SSBP3: variants seen among roughly 807,000 people sequenced by gnomAD.
SSBP3 encodes single-stranded DNA-binding protein 3.
Under a neutral mutation model 69.6 loss-of-function variants are expected in SSBP3, and 5 were observed. The observed-to-expected ratio is 0.07, with a 90% CI of 0.04 to 0.15. The LOEUF (loss-of-function observed/expected upper bound fraction) is 0.15, where lower values mean the gene tolerates loss of function less well. Ranked by LOEUF, SSBP3 falls within the 10% of genes least tolerant of loss-of-function variation. The probability of loss-of-function intolerance (pLI) is 1.00; values close to 1 mark genes in which losing one functional copy is unlikely to be tolerated. For synonymous variants in SSBP3, 196 were observed against 193.4 expected (o/e 1.01, Z -0.11); for missense variants, 312 against 534.0 (o/e 0.58, Z 4.10).
chr1:54,408,315 G>A (rs1649905833), upstream of SSBP3, among the ~76,000 whole-genome samples: 1 of 152,174 alleles, frequency 6.6e-6, no homozygotes. Flanking sequence ...TTTTCCCCTA[G>A]GCGGTTTAAT....
At chr1:54,275,115 A>G (rs1410929682) in intron 5 of SSBP3, among the ~76,000 whole-genome samples, 1 of 152,142 alleles carries the variant, frequency 6.6e-6, no homozygotes, top group Non-Finnish European at 1.5e-5. Context: ...GAGCCCCTTG[A>G]GGGCAGGGTC....
chr1:54,241,431 C>G (rs780053754), intron 12 of SSBP3, 43 bp downstream of exon 12: 1 of 1,609,934 alleles, frequency 6.2e-7, no homozygotes, highest in Non-Finnish European at 8.5e-7. Context: ...CACACTCAGT[C>G]CCACGTGGCT....
chr1:54,332,363 G>T lies in SSBP3; in HGVS notation c.277-50836C>A, dbSNP rs1290594219. 5.3e-5 allele frequency among the ~76,000 whole-genome samples: 8 copies of T among 152,206 alleles called. 1 individual carries two copies. The highest frequency in any genetic ancestry group is 5.2e-4 in the Admixed American group (8 of 15,290). ...GAAACTAAAAGTGGAGCAGGGAGCT[G>T]CTGGGAGGGGTGGGAGTGTGGAGAG... On this transcript the variant is annotated intron_variant, in intron 4 of 17. Coordinates refer to ENST00000610401, the Ensembl canonical transcript of SSBP3.
intron 4 of SSBP3, among the ~76,000 whole-genome samples, chr1:54,341,931 A>G (rs981312565): frequency 6.6e-6 from 1 of 152,198 alleles, no homozygotes; most frequent in African/African-American, 2.4e-5. Flanking sequence ...CACTTCTGAG[A>G]AACCAAAAGA....
chr1:54,301,171 C>A (rs1645794333), intron 4 of SSBP3, among the ~76,000 whole-genome samples: 1 of 152,232 alleles, frequency 6.6e-6, no homozygotes, highest in Non-Finnish European at 1.5e-5. Context: ...ACCTGCATCT[C>A]ATCTTTTACC....
chr1:54,304,693 C>G (rs1645865399), intron 4 of SSBP3, among the ~76,000 whole-genome samples: 1 of 152,146 alleles, frequency 6.6e-6, no homozygotes, highest in South Asian at 2.1e-4. Context: ...GGAGCCAGAC[C>G]CCAGAATGTT....
chr1:54,331,751 T>C (rs746815737), intron 4 of SSBP3, among the ~76,000 whole-genome samples: 27 of 152,300 alleles, frequency 1.8e-4, no homozygotes, highest in East Asian at 7.7e-4. Context: ...GCCCCCAGCA[T>C]TGGTGCAAAG....
intron 4 of SSBP3, among the ~76,000 whole-genome samples, chr1:54,290,001 CAGAACT>C (rs1377337519): frequency 6.6e-6 from 1 of 152,162 alleles, no homozygotes; most frequent in African/African-American, 2.4e-5. Context: ...CAGTCACTAC[CAGAACT>C]CAGAGGCTCT....
intron 14 of SSBP3, among the ~76,000 whole-genome samples, chr1:54,235,614 G>C (rs976265655): frequency 6.6e-6 from 1 of 151,758 alleles, no homozygotes; most frequent in Non-Finnish European, 1.5e-5. Flanking sequence ...CACCACGCCT[G>C]GCTAATTTTC....
At chr1:54,406,951 G>GCCCCCAGCCCGC (rs1553151904), upstream of SSBP3, among the ~76,000 whole-genome samples, 1 of 151,550 alleles carries the variant, frequency 6.6e-6, no homozygotes, top group Non-Finnish European at 1.5e-5. Context: ...CTCCAGCCCG[G>GCCCCCAGCCCGC]CCCCCAGCCC....
At chr1:54,236,400 T>C (rs1426480382) in intron 14 of SSBP3, 1 of 152,154 alleles carries the variant, frequency 6.6e-6, no homozygotes, top group Non-Finnish European at 1.5e-5. Flanking sequence ...GGATTACAGG[T>C]GTGAGTCACC....
chr1:54,336,773 G>A (rs1646514846), intron 4 of SSBP3, among the ~76,000 whole-genome samples: 1 of 152,170 alleles, frequency 6.6e-6, no homozygotes, highest in African/African-American at 2.4e-5. Flanking sequence ...TGGCTCACAA[G>A]GATGCTGGGG....
At position 54,276,943 on chromosome 1, in the gene SSBP3, A is replaced by G. The variant is rs1268828386; in HGVS notation, c.366+4495T>C. On this transcript the variant is annotated intron_variant, in intron 5 of 17. Transcript: ENST00000610401. ...TGCCCTCCTGATTTCTCAGCTTGGC[A>G]GACAGGCCTCTCCTGTGTCCTGCCA... Among the ~76,000 whole-genome samples the G allele has an allele frequency of 2.6e-5, 4 of 152,264 alleles. No individual in the cohort carries two copies. The East Asian group carries it at 7.8e-4, about 30-fold the overall frequency.
At chr1:54,246,806 A>G (rs1434656008) in intron 9 of SSBP3, among the ~76,000 whole-genome samples, 2 of 152,382 alleles carry the variant, frequency 1.3e-5, no homozygotes, top group Admixed American at 1.3e-4. Flanking sequence ...AGGAGCGAGT[A>G]GCAGGCTGAA....
intron 1 of SSBP3, 147 bp from the exon 2 acceptor site, chr1:54,405,077 A>C: frequency 2.8e-6 from 2 of 712,834 alleles, no homozygotes; most frequent in Non-Finnish European, 2.5e-6. Context: ...CTCACCCCAA[A>C]CAGGGCCGCC....
intron 14 of SSBP3, among the ~76,000 whole-genome samples, chr1:54,232,815 G>A (rs911892662): frequency 6.6e-5 from 10 of 152,222 alleles, no homozygotes; most frequent in Non-Finnish European, 1.2e-4. Context: ...GCCCCTAACC[G>A]CGAGTGATCC....
chr1:54,382,780 G>A (rs1442732541), intron 4 of SSBP3, among the ~76,000 whole-genome samples: 1 of 151,860 alleles, frequency 6.6e-6, no homozygotes, highest in Non-Finnish European at 1.5e-5. Context: ...GAAGTCGGGA[G>A]TTCGAGACCA....
intron 5 of SSBP3, among the ~76,000 whole-genome samples, chr1:54,272,044 T>C (rs967412956): frequency 6.6e-6 from 1 of 152,136 alleles, no homozygotes; most frequent in African/African-American, 2.4e-5. Flanking sequence ...GCTGGGATTA[T>C]AGGCGTGAGC....
intron 3 of SSBP3, among the ~76,000 whole-genome samples, chr1:54,402,353 T>C (rs1476736505): frequency 6.6e-6 from 1 of 152,162 alleles, no homozygotes; most frequent in East Asian, 1.9e-4. Flanking sequence ...TCTAATCTGT[T>C]TCCTTTTTAC....
Sources: allele counts gnomAD v4.1 joint callset (sites outside exome capture counted in the v4.1 genomes callset), GRCh38; gene constraint gnomAD v4.1.1; transcripts MANE v1.5; gene names NCBI Gene and HGNC (gene_info 2026-07-23, HGNC 2026-07-21).